The following DHX16 variants were observed in gnomAD, a reference collection of about 807,000 sequenced individuals.
DHX16 encodes the protein pre-mRNA-splicing factor ATP-dependent RNA helicase DHX16.
In DHX16, 81 loss-of-function variants were observed where a neutral mutation model predicts 131.2. The observed-to-expected ratio is 0.62, with a 90% CI of 0.52 to 0.74. The LOEUF is 0.74. Among genes scored for constraint, DHX16 ranks in the 30% least tolerant of loss-of-function variants. The pLI is 0.00. For missense variants in DHX16, 980 were observed against 1,363.1 expected (o/e 0.72, Z 4.43); for synonymous variants, 440 against 520.2 (o/e 0.85, Z 2.10).
rs34505140 is a variant in DHX16 at position 30,665,484 on chromosome 6, C to T, written c.916G>A (p.Gly306Arg). Residue 306 changes from glycine to arginine, a missense_variant, in exon 5 of 20, where the codon GGA (glycine) becomes AGA (arginine). Physicochemically the swap from Gly to Arg is moderately radical, Grantham distance 125 (BLOSUM62 -2). Coordinates refer to ENST00000376442, the MANE Select transcript of DHX16 (RefSeq NM_003587.5). The surrounding 1 kb of genome is among the most constrained non-coding windows in gnomAD (Gnocchi z 4.8). ...NRYHMPKETR[G>R]QPARAVDLVE... is the part of the protein sequence containing the mutation. ...CAGACGCCGCTTCACCTCACCTGTC[C>T]TCGGGTTTCCTTGGGCATGTGGTAG... The T allele has an allele frequency of 2.8e-3, 4,469 of 1,612,678 alleles. 34 individuals are homozygous for T. The highest frequency in any genetic ancestry group is 2.4e-3 in the Non-Finnish European group (2,812 of 1,179,746).
At position 30,665,762 on chromosome 6, in the gene DHX16, C is replaced by G; in HGVS notation, c.667-29G>C. The G allele has an allele frequency of 6.3e-7, 1 of 1,594,434 alleles. No homozygotes were observed. Among genetic ancestry groups the G allele is most frequent in the Non-Finnish European group, 8.5e-7 (1 of 1,174,018 alleles). Reference sequence around the variant, plus strand: ...AGTTGGGAAAGGACAGTCGAATCCTCATCTTGCTGGAGGAGCAACCCCTTT... The same window carrying G: ...AGTTGGGAAAGGACAGTCGAATCCTGATCTTGCTGGAGGAGCAACCCCTTT... On this transcript the variant is annotated intron_variant, in intron 4 of 19. Transcript: ENST00000376442. The surrounding 1 kb of genome is among the most constrained non-coding windows in gnomAD (Gnocchi z 4.8).
At chr6:30,660,477 CAAGATGTAG>C (rs1460670221) in intron 9 of DHX16, 2 of 420,276 alleles carry the variant, frequency 4.8e-6, no homozygotes, top group South Asian at 8.2e-5. Context: ...TAATAGGAGA[CAAGATGTAG>C]AGGCTGCACA....
intron 1 of DHX16, 31 bp from the exon 2 acceptor site, chr6:30,671,305 G>C (rs1562002599): frequency 6.3e-7 from 1 of 1,586,742 alleles, no homozygotes; most frequent in South Asian, 1.1e-5. Context: ...AAGGAGGTCT[G>C]AGCAACTCCT....
Position 30,653,303 on chromosome 6 carries a change from T to C in DHX16, c.3065A>G (p.Glu1022Gly). Residue 1022 changes from glutamate (E) to glycine (G), a missense_variant, in exon 20 of 20, where the codon GAA (glutamate) becomes GGA (glycine). This residue lies in a region of DHX16 where 214 missense variants were observed against 271.2 expected (regional missense o/e 0.79). Transcript: ENST00000376442. ...GGGCATTTTCTTAGCATGGGGATCTTCTAGCTCCTTGGCCTTATAATAATG... is the reference window on the plus strand; with the variant it reads ...GGGCATTTTCTTAGCATGGGGATCTCCTAGCTCCTTGGCCTTATAATAATG... ...APHYYKAKELEDPHAKKMPKK... is the reference protein window; with the variant it reads ...APHYYKAKELGDPHAKKMPKK... 1 of 1,613,068 alleles carries C rather than the reference T, an allele frequency of 6.2e-7. No individual in the cohort carries two copies. Among genetic ancestry groups the C allele is most frequent in the Non-Finnish European group, 8.5e-7 (1 of 1,180,016 alleles).
In DHX16 at chr6:30,662,612, A is replaced by C; in HGVS notation, c.1544+15T>G. 55 of 1,595,276 alleles carry C rather than the reference A, an allele frequency of 3.4e-5. No individual in the cohort carries two copies. Among genetic ancestry groups the C allele is most frequent in the Non-Finnish European group, 4.4e-5 (51 of 1,163,982 alleles). Reference sequence around the variant, plus strand: ...GGTGGGAAGAAGGGAGAGAAAGGCCAGAGATTAGAGATACCTGTAACTCGC... The same window carrying C: ...GGTGGGAAGAAGGGAGAGAAAGGCCCGAGATTAGAGATACCTGTAACTCGC... On this transcript the variant is annotated intron_variant, in intron 9 of 19. Coordinates refer to ENST00000376442, the MANE Select transcript of DHX16 (RefSeq NM_003587.5). This position sits in a 1 kb window ranked among gnomAD's most constrained non-coding sequence, Gnocchi z 4.7.
Position 30,655,579 on chromosome 6 carries a change from C to G in DHX16, c.2517G>C (p.Glu839Asp). The G allele has an allele frequency of 6.2e-7, 1 of 1,613,076 alleles. No homozygotes were observed. The highest frequency in any genetic ancestry group is 2.2e-5 in the East Asian group (1 of 44,882). Residue 839 changes from glutamate to aspartate, a missense_variant, in exon 17 of 20, where the codon GAG becomes GAC. By Grantham distance (45) the Glu-to-Asp change is conservative (BLOSUM62 2). This residue lies in a region of DHX16 where 214 missense variants were observed against 271.2 expected (regional missense o/e 0.79). Coordinates refer to ENST00000376442, the MANE Select transcript of DHX16 (RefSeq NM_003587.5). ...LASEKYSCSEEILTVAAMLSV... is the reference protein window; with the variant it reads ...LASEKYSCSEDILTVAAMLSV... ...AGAGCATGGCAGCCACTGTCAGGAT[C>G]TCCTCTGAACAGCTGTACCTGGGAC...
intron 16 of DHX16, 61 bp from the exon 17 acceptor site, chr6:30,655,658 A>C: frequency 1.3e-6 from 2 of 1,577,840 alleles, no homozygotes; most frequent in Non-Finnish European, 1.7e-6. Context: ...GATATGGTGG[A>C]GTGGGGAGTG....
rs145636542 is a variant in DHX16 at position 30,665,078 on chromosome 6, C to T, written c.1118G>A (p.Gly373Asp). The T allele has an allele frequency of 1.9e-6, 3 of 1,614,064 alleles. No homozygotes were observed. Among genetic ancestry groups the T allele is most frequent in the Non-Finnish European group, 2.5e-6 (3 of 1,180,000 alleles). The change falls in exon 6 of 20, where the codon GGT becomes GAT. Residue 373 changes from glycine to aspartate, a missense_variant. Around this residue, in one of 3 missense-constraint regions of DHX16, gnomAD observed 457 missense variants for 554.8 expected, o/e 0.82. Coordinates refer to ENST00000376442, the MANE Select transcript of DHX16 (RefSeq NM_003587.5). This position sits in a 1 kb window ranked among gnomAD's most constrained non-coding sequence, Gnocchi z 4.8. ...TCCCAGCTCCCCTCTTACCTCATCA[C>T]CCTGGAGCTGAGTGGCCCGGACAAA... ...IEFVRATQLQ[G>D]DEEPSAPPTS...
At position 30,670,676 on chromosome 6, in the gene DHX16, C is replaced by T; in HGVS notation, c.609+114G>A. The T allele has an allele frequency of 6.9e-7, 1 of 1,446,462 alleles. No homozygotes were observed. Among genetic ancestry groups the T allele is most frequent in the Non-Finnish European group, 9.5e-7 (1 of 1,053,874 alleles). The allele number at this position is 1,446,462 out of a possible 1,614,324, so 89.6% of individuals were successfully genotyped here. On this transcript the variant is annotated intron_variant, in intron 3 of 19. Transcript: ENST00000376442. This position sits in a 1 kb window ranked among gnomAD's most constrained non-coding sequence, Gnocchi z 4.4. The stretch of plus-strand genomic sequence containing the variant: ...CTTCTCTCACCACAGAGGTGAACAT[C>T]TCACTAGAGACAGCCCCTTGTCTTC...
Position 30,665,445 on chromosome 6 carries a change from G to A in DHX16, c.921+34C>T. 2 of 1,599,954 alleles carry A rather than the reference G, an allele frequency of 1.3e-6. No homozygotes were observed. The highest frequency in any genetic ancestry group is 1.7e-6 in the Non-Finnish European group (2 of 1,171,762). The stretch of plus-strand genomic sequence containing the variant: ...AGCCTTCCCCACAACTTGTCTTGGG[G>A]ACCAAGGCTGAAGCAGACGCCGCTT... On this transcript the variant is annotated intron_variant, in intron 5 of 19. Transcript: ENST00000376442. The surrounding 1 kb of genome is among the most constrained non-coding windows in gnomAD (Gnocchi z 4.8).
Position 30,659,535 on chromosome 6 carries a change from A to G in DHX16, c.1944T>C (p.Tyr648=), listed in dbSNP as rs747939380. 7 of 1,610,900 alleles carry G rather than the reference A, an allele frequency of 4.3e-6. No homozygotes were observed. The Middle Eastern group carries it at 4.9e-4, about 114-fold the overall frequency. ...CCTGCATGTCAGAGGGCAGATTGGC[A>G]TAAATGGGCAGCACCAGGAGCTCCC... ...KIRELLVLPI[Y]ANLPSDMQAR... Residue 648 remains tyrosine (Y), a synonymous_variant, in exon 12 of 20, where the codon TAT becomes TAC. Transcript: ENST00000376442.
At chr6:30,663,840 C>T (rs1561986527) in intron 7 of DHX16, among the ~76,000 whole-genome samples, 1 of 150,708 alleles carries the variant, frequency 6.6e-6, no homozygotes, top group South Asian at 2.1e-4. Context: ...TCCTGGCCAA[C>T]ATGGTGAAAC....
chr6:30,669,629 C>T (rs1162544627), intron 4 of DHX16, among the ~76,000 whole-genome samples: 1 of 146,120 alleles, frequency 6.8e-6, no homozygotes, highest in African/African-American at 2.5e-5. Flanking sequence ...TGGTGGTGTG[C>T]GCCTGTAATC....
At chr6:30,667,492 G>C (rs1456543150) in intron 4 of DHX16, among the ~76,000 whole-genome samples, 1 of 150,610 alleles carries the variant, frequency 6.6e-6, no homozygotes, top group Admixed American at 6.7e-5. Flanking sequence ...TGAGGCAGGA[G>C]AATGGCATGA....
Position 30,672,826 on chromosome 6 carries a change from C to T in DHX16, c.16G>A (p.Gly6Ser). Reference protein sequence around the residue: MATPAGLERWVQDELH... With the variant: MATPASLERWVQDELH... ...TCGTCCTGAACCCAGCGCTCCAGAC[C>T]CGCCGGCGTCGCCATGGCGACTCAC... The change falls in exon 1 of 20, where the codon GGT (glycine) becomes AGT (serine). Residue 6 changes from glycine to serine, a missense_variant. This residue lies in a region of DHX16 where 457 missense variants were observed against 554.8 expected (regional missense o/e 0.82). Transcript: ENST00000376442. 6.2e-7 allele frequency: 1 copy of T among 1,612,684 alleles called. No individual in the cohort carries two copies. The highest frequency in any genetic ancestry group is 1.7e-5 in the Admixed American group (1 of 60,000).
intron 4 of DHX16, among the ~76,000 whole-genome samples, chr6:30,669,862 T>C (rs1769373521): frequency 6.7e-6 from 1 of 149,310 alleles, no homozygotes; most frequent in Non-Finnish European, 1.5e-5. Context: ...CAGCTTACCC[T>C]ACCTAGTTTC....
intron 9 of DHX16, chr6:30,661,866 G>C (rs1293206328): frequency 4.2e-6 from 3 of 717,882 alleles, no homozygotes; most frequent in Admixed American, 2.0e-5. Context: ...TGGGTTCTTA[G>C]AGATCTTTTG....
At chr6:30,655,982 A>T (rs1338877937) in intron 16 of DHX16, among the ~76,000 whole-genome samples, 2 of 152,194 alleles carry the variant, frequency 1.3e-5, no homozygotes, top group South Asian at 4.1e-4. Context: ...AGGAACAAGT[A>T]AGTTCCTCAA....
Position 30,665,857 on chromosome 6 carries a change from C to CGGCA in DHX16, c.667-125_667-124insTGCC. ...TGAGAACCTCAGGATGCACCCTCTA[C>CGGCA]CTTCCCTCTGCAATGCACAACCAAA... On this transcript the variant is annotated intron_variant, in intron 4 of 19. Coordinates refer to ENST00000376442, the MANE Select transcript of DHX16 (RefSeq NM_003587.5). The surrounding 1 kb of genome is among the most constrained non-coding windows in gnomAD (Gnocchi z 4.8). 1 of 1,270,702 alleles carries CGGCA rather than the reference C, an allele frequency of 7.9e-7. No homozygotes were observed. Among genetic ancestry groups the CGGCA allele is most frequent in the Non-Finnish European group, 1.1e-6 (1 of 936,870 alleles). 78.7% of individuals were successfully genotyped at this position (1,270,702 alleles called of 1,614,324 possible).
Sources: allele counts gnomAD v4.1 joint callset (sites outside exome capture counted in the v4.1 genomes callset), GRCh38; gene constraint gnomAD v4.1.1; regional missense constraint gnomAD v4.1.1; non-coding constraint Gnocchi (gnomAD v3.1); transcripts MANE v1.5; gene names NCBI Gene and HGNC (gene_info 2026-07-23, HGNC 2026-07-21).